Variants in SPTLC2 observed in about 807,000 individuals in gnomAD.
SPTLC2 encodes the protein serine palmitoyltransferase long chain base subunit 2.
A neutral mutation model predicts 62.0 loss-of-function variants in SPTLC2; 21 were observed. The observed-to-expected ratio is 0.34, with a 90% CI of 0.24 to 0.49. The LOEUF (loss-of-function observed/expected upper bound fraction) is 0.49. Ranked by LOEUF, SPTLC2 falls within the 20% of genes least tolerant of loss-of-function variation. SPTLC2 has a pLI of 0.99. For missense variants in SPTLC2, 511 were observed against 713.0 expected (o/e 0.72, Z 3.23); for synonymous variants, 261 against 261.8 (o/e 1.00, Z 0.03).
intron 6 of SPTLC2, chr14:77,557,424 A>G (rs2079590634): frequency 2.2e-6 from 1 of 449,064 alleles, no homozygotes; most frequent in Non-Finnish European, 4.1e-6. Flanking sequence ...CCAGTGTCTC[A>G]TGTTAAATAC....
chr14:77,555,392 A>G lies in SPTLC2; in HGVS notation c.1084T>C (p.Tyr362His). The change falls in exon 8 of 12, where the codon TAC (tyrosine) becomes CAC (histidine). Residue 362 changes from tyrosine to histidine, a missense_variant. Coordinates refer to ENST00000216484, the MANE Select transcript of SPTLC2 (RefSeq NM_004863.4). ...ACATCCTCGGGATCCAGGCCAAAGT[A>G]CTCCACCACACCCCGGCCTGTGGGG... Reference protein sequence around the residue: ...LGPTGRGVVEYFGLDPEDVDV... With the variant: ...LGPTGRGVVEHFGLDPEDVDV... 1 of 1,613,722 alleles carries G rather than the reference A, an allele frequency of 6.2e-7. No individual in the cohort carries two copies. The highest frequency in any genetic ancestry group is 8.5e-7 in the Non-Finnish European group (1 of 1,179,940).
chr14:77,517,969 A>G lies in SPTLC2; in HGVS notation c.1569+69T>C. On this transcript the variant is annotated intron_variant, in intron 11 of 11. Transcript: ENST00000216484. ...AGAACATCAAGATCAATATATTATG[A>G]ATTTCATCTAATATACAGGCCCTTT... 3 of 1,600,694 alleles carry G rather than the reference A, an allele frequency of 1.9e-6. No homozygotes were observed. The South Asian group carries it at 3.3e-5, about 18-fold the overall frequency.
chr14:77,568,773 A>G (rs1301212536), intron 5 of SPTLC2, among the ~76,000 whole-genome samples: 1 of 144,300 alleles, frequency 6.9e-6, no homozygotes, highest in Admixed American at 7.3e-5. Flanking sequence ...ACACCACTGC[A>G]CTCCAGCCTG....
intron 9 of SPTLC2, among the ~76,000 whole-genome samples, chr14:77,547,090 C>T (rs977016275): frequency 6.6e-6 from 1 of 152,118 alleles, no homozygotes; most frequent in African/African-American, 2.4e-5. Context: ...GTCTTGAATT[C>T]CCGACCTCAG....
At chr14:77,561,564 T>C (rs183713382) in intron 6 of SPTLC2, among the ~76,000 whole-genome samples, 109 of 151,612 alleles carry the variant, frequency 7.2e-4, no homozygotes, top group African/African-American at 2.4e-3. Context: ...TGAGCCAAGA[T>C]TGAGCCACTG....
chr14:77,567,990 A>C (rs757258878), intron 5 of SPTLC2, among the ~76,000 whole-genome samples: 1 of 152,050 alleles, frequency 6.6e-6, no homozygotes. Context: ...AGCACCCCTA[A>C]GCATTTTCTT....
At chr14:77,568,824 AAG>A (rs71128648) in intron 5 of SPTLC2, among the ~76,000 whole-genome samples, 3 of 145,304 alleles carry the variant, frequency 2.1e-5, no homozygotes, top group South Asian at 2.1e-4. Flanking sequence ...AAAAAAAAAA[AAG>A]AGAGAGGGGT....
chr14:77,553,853 TG>T (rs2079568631), intron 8 of SPTLC2, among the ~76,000 whole-genome samples: 1 of 152,140 alleles, frequency 6.6e-6, no homozygotes. Context: ...CTTGCTCTGT[TG>T]CCCAGGCTGC....
chr14:77,565,340 C>G (rs1486902716), intron 5 of SPTLC2, among the ~76,000 whole-genome samples: 1 of 150,394 alleles, frequency 6.6e-6, no homozygotes, highest in Non-Finnish European at 1.5e-5. Flanking sequence ...AAAGTTTAAT[C>G]CAAAATGCTA....
At chr14:77,587,588 G>A (rs1218038276) in intron 2 of SPTLC2, among the ~76,000 whole-genome samples, 4 of 151,942 alleles carry the variant, frequency 2.6e-5, no homozygotes, top group East Asian at 1.9e-4. Flanking sequence ...CCAACATGGC[G>A]AAACCCGTCT....
At position 77,507,588 on chromosome 14, in the gene SPTLC2, TCCCAAAGTG is replaced by T; in HGVS notation, c.*4687_*4695del. 9.1e-6 allele frequency: 1 copy of T among 109,430 alleles called. No homozygotes were observed. Among genetic ancestry groups the T allele is most frequent in the East Asian group, 3.1e-4 (1 of 3,184 alleles). 6.8% of individuals were successfully genotyped at this position (109,430 alleles called of 1,614,324 possible). A position where few individuals can be genotyped will look rare whatever the true frequency, so the allele number is the denominator to read the frequency against. On this transcript the variant is annotated 3_prime_UTR_variant, in exon 12 of 12. Coordinates refer to ENST00000216484, the MANE Select transcript of SPTLC2 (RefSeq NM_004863.4). ...CTCAAGCAATCTGCCTGCTTCAGCCTCCCAAAGTGTTGGGATTACAGGTGAGCCACTGCG... is the reference window on the plus strand; with the variant it reads ...CTCAAGCAATCTGCCTGCTTCAGCCTTTGGGATTACAGGTGAGCCACTGCG...
intron 2 of SPTLC2, among the ~76,000 whole-genome samples, chr14:77,583,240 A>AATAAATAAAAAT (rs775867620): frequency 4.8e-5 from 7 of 146,694 alleles, no homozygotes; most frequent in Admixed American, 1.4e-4. Flanking sequence ...TAAATAAATA[A>AATAAATAAAAAT]AAATAATAAT....
intron 9 of SPTLC2, 52 bp downstream of exon 9, chr14:77,552,044 C>T (rs1252966798): frequency 7.5e-6 from 12 of 1,608,454 alleles, no homozygotes; most frequent in Middle Eastern, 1.7e-4. Flanking sequence ...AAAAACAGCA[C>T]GTTTGGCTGC....
At chr14:77,578,916 T>C in intron 3 of SPTLC2, 39 bp downstream of exon 3, 2 of 1,609,846 alleles carry the variant, frequency 1.2e-6, no homozygotes, top group African/African-American at 2.7e-5. Context: ...AGAAACCCTT[T>C]TGTAATTGTT....
rs956599821 is a variant in SPTLC2 at position 77,511,510 on chromosome 14, T to C, written c.*774A>G. 6.5e-6 allele frequency: 1 copy of C among 152,996 alleles called. No homozygotes were observed. Among genetic ancestry groups the C allele is most frequent in the African/African-American group, 2.4e-5 (1 of 41,448 alleles). The allele number at this position is 152,996 out of a possible 1,614,324, so 9.5% of individuals were successfully genotyped here. On this transcript the variant is annotated 3_prime_UTR_variant, in exon 12 of 12. Coordinates refer to ENST00000216484, the MANE Select transcript of SPTLC2 (RefSeq NM_004863.4). ...CCTTCTCACCAGGGTGGGATATGGG[T>C]GCTCTGAAAACAGTAAGTGCTTTAA...
intron 2 of SPTLC2, among the ~76,000 whole-genome samples, chr14:77,590,493 T>A (rs560780914): frequency 1.3e-5 from 2 of 152,044 alleles, no homozygotes; most frequent in East Asian, 1.9e-4. Flanking sequence ...GGCAGATAGA[T>A]AAACATGAGC....
At chr14:77,583,410 C>G (rs906575924) in intron 2 of SPTLC2, among the ~76,000 whole-genome samples, 8 of 151,922 alleles carry the variant, frequency 5.3e-5, no homozygotes, top group African/African-American at 1.9e-4. Context: ...CACAGTTAAA[C>G]TAGGGGGGTA....
intron 1 of SPTLC2, among the ~76,000 whole-genome samples, chr14:77,604,879 A>AAAAAAAAAAGGT (rs1555378666): frequency 2.0e-5 from 3 of 150,052 alleles, no homozygotes; most frequent in African/African-American, 7.4e-5. Flanking sequence ...AAAAAAAAAA[A>AAAAAAAAAAGGT]AAAAAAAGGT....
intron 9 of SPTLC2, among the ~76,000 whole-genome samples, chr14:77,534,336 T>C (rs1007202247): frequency 6.6e-5 from 10 of 152,202 alleles, no homozygotes; most frequent in Admixed American, 4.6e-4. Flanking sequence ...TTTTTAAAAG[T>C]GCTCATTTTG....
Sources: gnomAD v4.1 joint callset for allele counts (sites outside exome capture counted in the v4.1 genomes callset) on GRCh38, gnomAD v4.1.1 for gene constraint, MANE v1.5 for transcripts, NCBI Gene and HGNC (gene_info 2026-07-23, HGNC 2026-07-21) for gene names.